Variants in COL2A1 observed in about 807,000 individuals in gnomAD.
The protein encoded by COL2A1 is collagen alpha-1(II) chain.
Under a neutral mutation model 204.5 loss-of-function variants are expected in COL2A1, and 28 were observed. The ratio of observed to expected loss-of-function variants is 0.14; its 90% CI spans 0.10 to 0.19. COL2A1 has a LOEUF of 0.19. COL2A1 is among the 10% of genes least tolerant of loss of function. The probability of loss-of-function intolerance (pLI) is 1.00; values close to 1 mark genes in which losing one functional copy is unlikely to be tolerated. For synonymous variants in COL2A1, 708 were observed against 718.7 expected (o/e 0.99, Z 0.24); for missense variants, 1,388 against 2,027.5 (o/e 0.68, Z 6.06).
chr12:47,993,398 C>T, intron 15 of COL2A1, 60 bp downstream of exon 15: 1 of 1,279,266 alleles, frequency 7.8e-7, no homozygotes, highest in Non-Finnish European at 1.1e-6. Flanking sequence ...GAGCTCTTTG[C>T]AGCCATCTGA....
chr12:47,998,586 G>A, intron 2 of COL2A1, 155 bp from the exon 3 acceptor site: 1 of 744,668 alleles, frequency 1.3e-6, no homozygotes, highest in Non-Finnish European at 2.3e-6. Flanking sequence ...CCCCTCTGTT[G>A]GGGTGTTAGG....
chr12:47,981,056 A>AAGG, intron 37 of COL2A1, 88 bp from the exon 38 acceptor site: 1 of 1,329,160 alleles, frequency 7.5e-7, no homozygotes, highest in Non-Finnish European at 1.0e-6. Context: ...GGCCCTGCCC[A>AAGG]GCCTCCTGTT....
chr12:47,983,165 G>A (rs1427527254), intron 31 of COL2A1, 28 bp from the exon 32 acceptor site: 1 of 1,610,756 alleles, frequency 6.2e-7, no homozygotes, highest in Non-Finnish European at 8.5e-7. Context: ...ATGTGTGAGA[G>A]TGAAGGCTTC....
At chr12:47,994,101 C>A in intron 12 of COL2A1, 54 bp from the exon 13 acceptor site, 1 of 1,600,154 alleles carries the variant, frequency 6.2e-7, no homozygotes, top group Non-Finnish European at 8.6e-7. Context: ...CAGTGGAAAG[C>A]TGCCCTGGGC....
chr12:47,981,513 C>T, intron 36 of COL2A1, 117 bp from the exon 37 acceptor site: 1 of 994,810 alleles, frequency 1.0e-6, no homozygotes, highest in Non-Finnish European at 1.6e-6. Context: ...GTCCCCCTGG[C>T]ACAGCCTGTG....
At position 47,986,552 on chromosome 12, in the gene COL2A1, G is replaced by GC. The variant is rs139580012; in HGVS notation, c.1420-110_1420-109insG. On this transcript the variant is annotated intron_variant, in intron 22 of 53. Coordinates refer to ENST00000380518, the MANE Select transcript of COL2A1 (RefSeq NM_001844.5). ...CCTTGGCAACTGTTTCAGGGCTGGG[G>GC]GGGGGCTTGAGGACGAGAGGCCATA... is the stretch of plus-strand genomic sequence containing the variant. 4.5e-5 allele frequency: 35 copies of GC among 778,112 alleles called. 1 individual carries two copies. The highest frequency in any genetic ancestry group is 7.9e-5 in the South Asian group (5 of 63,480). 48.2% of individuals were successfully genotyped at this position (778,112 alleles called of 1,614,324 possible).
At chr12:47,995,198 C>T in intron 11 of COL2A1, 57 bp downstream of exon 11, 7 of 1,490,142 alleles carry the variant, frequency 4.7e-6, no homozygotes, top group African/African-American at 1.4e-5. Flanking sequence ...AGCACACACC[C>T]TCTCCAGGCC....
At chr12:47,993,038 C>T in intron 15 of COL2A1, 107 bp from the exon 16 acceptor site, 1 of 1,070,892 alleles carries the variant, frequency 9.3e-7, no homozygotes, top group Admixed American at 2.0e-5. Context: ...AGGGAGGATG[C>T]CCACACCCAG....
rs377227859 is a variant in COL2A1, at chr12:47,986,058, A to G, written c.1528-93T>C. 145 of 1,217,608 alleles carry G rather than the reference A, an allele frequency of 1.2e-4. 2 individuals are homozygous for G. The African/African-American group carries it at 1.4e-3, about 11-fold the overall frequency. 75.4% of individuals were successfully genotyped at this position (1,217,608 alleles called of 1,614,324 possible). A position where few individuals can be genotyped will look rare whatever the true frequency, so the allele number is the denominator to read the frequency against. On this transcript the variant is annotated intron_variant, in intron 23 of 53. Coordinates refer to ENST00000380518, the MANE Select transcript of COL2A1 (RefSeq NM_001844.5). ...CCATCCCACTAACCCACCAACCCCA[A>G]TTTCTGGGGAGCAGTAGCTGTGGCC...
intron 32 of COL2A1, 57 bp downstream of exon 32, chr12:47,983,036 C>T: frequency 6.2e-7 from 1 of 1,609,268 alleles, no homozygotes; most frequent in South Asian, 1.1e-5. Flanking sequence ...GGAGCAGGAG[C>T]ATAGGACCCA....
At chr12:47,996,907 A>T (rs150491178) in intron 7 of COL2A1, among the ~76,000 whole-genome samples, 357 of 152,370 alleles carry the variant, frequency 2.3e-3, no homozygotes, top group African/African-American at 8.4e-3. Flanking sequence ...TATGCTCTAA[A>T]ATATGACAGA....
rs12721428 is a variant in COL2A1, at chr12:47,975,110, C to T, written c.3886+207G>A. Among the ~76,000 whole-genome samples the T allele has an allele frequency of 0.11, 16,190 of 152,232 alleles. 1,493 individuals are homozygous for T. The highest frequency in any genetic ancestry group is 0.38 in the East Asian group (1,965 of 5,164). On this transcript the variant is annotated intron_variant, in intron 51 of 53. Transcript: ENST00000380518. ...CAGTGCCCAGCTGGTGGATGGAGTCCACCCTGAGGTCACCTCGGCCAGGTA... is the reference window on the plus strand; with the variant it reads ...CAGTGCCCAGCTGGTGGATGGAGTCTACCCTGAGGTCACCTCGGCCAGGTA...
chr12:47,985,282 C>T (rs1430831922), intron 26 of COL2A1, among the ~76,000 whole-genome samples, 189 bp from the exon 27 acceptor site: 3 of 152,154 alleles, frequency 2.0e-5, no homozygotes, highest in Non-Finnish European at 4.4e-5. Context: ...GAAAGCTGCC[C>T]CAGAAAGTGC....
intron 32 of COL2A1, 39 bp downstream of exon 32, chr12:47,983,054 C>T: frequency 1.2e-6 from 2 of 1,612,704 alleles, no homozygotes; most frequent in South Asian, 2.2e-5. Flanking sequence ...CCAGGGCAGG[C>T]CCAAGGAGGC....
chr12:47,977,534 C>G lies in COL2A1; in HGVS notation c.3165+66G>C, dbSNP rs1475433294. On this transcript the variant is annotated intron_variant, in intron 45 of 53. Coordinates refer to ENST00000380518, the MANE Select transcript of COL2A1 (RefSeq NM_001844.5). ...ACTTGTTCCAACCTGCCACCCCCAG[C>G]TGACCTGTCAGGCCCGAGGCAATGT... 5.0e-6 allele frequency: 8 copies of G among 1,605,958 alleles called. No individual in the cohort carries two copies. In the Admixed American group the frequency reaches 5.0e-5, roughly 10 times the overall value.
At chr12:47,991,673 A>C (rs1178503052) in intron 16 of COL2A1, among the ~76,000 whole-genome samples, 1 of 152,252 alleles carries the variant, frequency 6.6e-6, no homozygotes, top group South Asian at 2.1e-4. Context: ...GAGAGAACCA[A>C]GAAGCAGGGC....
Position 47,987,045 on chromosome 12 carries a change from C to A in COL2A1, c.1365+33G>T. Reference sequence around the variant, plus strand: ...TGATGGGGTTTGACTCCAGAGATGTCAGTGGAACTTGGGGGTCACTTTGGG... The same window carrying A: ...TGATGGGGTTTGACTCCAGAGATGTAAGTGGAACTTGGGGGTCACTTTGGG... On this transcript the variant is annotated intron_variant, in intron 21 of 53. Transcript: ENST00000380518. The surrounding 1 kb of genome is among the most constrained non-coding windows in gnomAD (Gnocchi z 4.1). The A allele has an allele frequency of 6.2e-7, 1 of 1,602,152 alleles. No individual in the cohort carries two copies. The highest frequency in any genetic ancestry group is 1.1e-5 in the South Asian group (1 of 90,832).
At chr12:48,004,498 C>T, upstream of COL2A1, 2 of 541,812 alleles carry the variant, frequency 3.7e-6, no homozygotes, top group East Asian at 6.6e-5. Flanking sequence ...GCCGCGGCGC[C>T]CGTTATATGC....
At chr12:47,973,958 A>T in intron 53 of COL2A1, 131 bp downstream of exon 53, 1 of 1,302,126 alleles carries the variant, frequency 7.7e-7, no homozygotes, top group Non-Finnish European at 1.1e-6. Context: ...TATCTTCTCT[A>T]CATGACCCTC....
Sources: allele counts gnomAD v4.1 joint callset (sites outside exome capture counted in the v4.1 genomes callset), GRCh38; gene constraint gnomAD v4.1.1; non-coding constraint Gnocchi (gnomAD v3.1); transcripts MANE v1.5; gene names NCBI Gene and HGNC (gene_info 2026-07-23, HGNC 2026-07-21).